TPR: variants seen among roughly 807,000 people sequenced by gnomAD.
TPR encodes the protein translocated promoter region, nuclear basket protein.
A neutral mutation model predicts 316.1 loss-of-function variants in TPR; 51 were observed. The ratio of observed to expected loss-of-function variants is 0.16; its 90% CI spans 0.13 to 0.20. The LOEUF (loss-of-function observed/expected upper bound fraction) is 0.20, where lower values mean the gene tolerates loss of function less well. TPR is among the 10% of genes least tolerant of loss of function. The probability of loss-of-function intolerance (pLI) is 1.00; values close to 1 mark genes in which losing one functional copy is unlikely to be tolerated. For synonymous variants in TPR, 981 were observed against 914.7 expected, an observed-to-expected ratio of 1.07 and a Z score of -1.31; for missense variants, 2,272 against 2,754.8, an observed-to-expected ratio of 0.82 and a Z score of 3.92.
intron 49 of TPR, among the ~76,000 whole-genome samples, chr1:186,316,444 TG>T (rs1557980685): frequency 6.6e-6 from 1 of 152,232 alleles, no homozygotes; most frequent in African/African-American, 2.4e-5. Flanking sequence ...AGCAAAGTTC[TG>T]TGATTTAAAA....
chr1:186,361,437 T>C (rs1272302774), intron 9 of TPR, among the ~76,000 whole-genome samples, 185 bp downstream of exon 9: 4 of 151,878 alleles, frequency 2.6e-5, no homozygotes, highest in African/African-American at 9.7e-5. Context: ...TTTTCAAAAA[T>C]ATATAAACTT....
intron 35 of TPR, 36 bp downstream of exon 35, chr1:186,335,032 A>G (rs1658297970): frequency 1.3e-6 from 2 of 1,595,586 alleles, no homozygotes; most frequent in Non-Finnish European, 1.7e-6. Context: ...GAGCTTTAAA[A>G]GAAAAATAAC....
In TPR at chr1:186,359,976, T is replaced by A. The variant is rs1659135338; in HGVS notation, c.1212A>T (p.Glu404Asp). The A allele has an allele frequency of 6.2e-7, 1 of 1,609,162 alleles. No individual in the cohort carries two copies. Among genetic ancestry groups the A allele is most frequent in the South Asian group, 1.1e-5 (1 of 89,868 alleles). The change falls in exon 12 of 51, where the codon GAA becomes GAT. Residue 404 changes from glutamate (E) to aspartate (D), a missense_variant. Glu to Asp is a conservative substitution (Grantham distance 45, BLOSUM62 2). Around this residue, in one of 10 missense-constraint regions of TPR, gnomAD observed 549 missense variants for 598.6 expected, o/e 0.92. Transcript: ENST00000367478. ...KLTELYNAYVETQDQLLLEKL... is the reference protein window; with the variant it reads ...KLTELYNAYVDTQDQLLLEKL... ...TCTCCAAAAGCAACTGATCCTGAGT[T>A]TCCACATAAGCATTATAGAGCTGAA...
rs956847467 is a variant in TPR, at chr1:186,334,607, T to C, written c.4974-74A>G. On this transcript the variant is annotated intron_variant, in intron 35 of 50. Transcript: ENST00000367478. Reference sequence around the variant, plus strand: ...AATACTTTTAAAAACACAGTGAGTATAGGTCTCCATTTTTTTGTTCACTAA... The same window carrying C: ...AATACTTTTAAAAACACAGTGAGTACAGGTCTCCATTTTTTTGTTCACTAA... The C allele has an allele frequency of 1.3e-5, 19 of 1,441,726 alleles. No individual in the cohort carries two copies. The Admixed American group carries it at 1.3e-4, about 10-fold the overall frequency. The allele number at this position is 1,441,726 out of a possible 1,614,324, so 89.3% of individuals were successfully genotyped here.
At chr1:186,370,931 A>G in intron 3 of TPR, 39 bp downstream of exon 3, 1 of 1,537,410 alleles carries the variant, frequency 6.5e-7, no homozygotes, top group Non-Finnish European at 9.0e-7. Flanking sequence ...CTTCAAGTAA[A>G]ATGTCTACAA....
intron 22 of TPR, 103 bp from the exon 23 acceptor site, chr1:186,346,390 T>A (rs1328472393): frequency 8.4e-7 from 1 of 1,193,244 alleles, no homozygotes; most frequent in Admixed American, 2.9e-5. Flanking sequence ...ATAAAATTAA[T>A]GTTTGTTGTA....
chr1:186,371,154 C>A, intron 2 of TPR, 111 bp from the exon 3 acceptor site: 1 of 836,302 alleles, frequency 1.2e-6, no homozygotes, highest in Non-Finnish European at 1.9e-6. Context: ...AACAGAAGCC[C>A]AGAAAGACTG....
rs761526202 is a variant in TPR at position 186,355,661 on chromosome 1, T to C, written c.1996A>G (p.Ile666Val). The C allele has an allele frequency of 3.7e-6, 6 of 1,614,040 alleles. No homozygotes were observed. Among genetic ancestry groups the C allele is most frequent in the Admixed American group, 1.7e-5 (1 of 60,010 alleles). ...TGTTTAAGGGCAGCCTTAGCCTCTA[T>C]AGCCTCTGTTGATTCAATAACAGGT... ...PVPVIESTEA[I>V]EAKAALKQLQ... The change falls in exon 16 of 51, where the codon ATA becomes GTA. Residue 666 changes from isoleucine to valine, a missense_variant. Physicochemically the swap from Ile to Val is conservative, Grantham distance 29. Around this residue, in one of 10 missense-constraint regions of TPR, gnomAD observed 757 missense variants for 859.8 expected, o/e 0.88. Transcript: ENST00000367478.
At chr1:186,318,349 CA>C in intron 48 of TPR, 97 bp downstream of exon 48, 1 of 1,352,690 alleles carries the variant, frequency 7.4e-7, no homozygotes, top group Non-Finnish European at 1.0e-6. Context: ...CAAAAAAAAA[CA>C]AAACACAACT....
At chr1:186,328,220 AT>A (rs1409845114) in intron 39 of TPR, among the ~76,000 whole-genome samples, 5 of 152,218 alleles carry the variant, frequency 3.3e-5, no homozygotes, top group East Asian at 1.9e-4. Context: ...AGAGAAAAAA[AT>A]ATAAACAAAT....
chr1:186,318,708 C>T, intron 47 of TPR, 25 bp downstream of exon 47: 1 of 1,612,718 alleles, frequency 6.2e-7, no homozygotes, highest in Non-Finnish European at 8.5e-7. Context: ...TAAAACAGAA[C>T]CTACTATCTG....
In TPR at chr1:186,313,174, T is replaced by C. The variant is rs966986658; in HGVS notation, c.*797A>G. The C allele has an allele frequency of 1.3e-5, 6 of 461,518 alleles. No individual in the cohort carries two copies. In the East Asian group the frequency reaches 1.5e-4, roughly 12 times the overall value. 28.6% of individuals were successfully genotyped at this position (461,518 alleles called of 1,614,324 possible). On this transcript the variant is annotated 3_prime_UTR_variant, in exon 51 of 51. Coordinates refer to ENST00000367478, the MANE Select transcript of TPR (RefSeq NM_003292.3). ...AATAGTATTTTACTTCTATCATTTG[T>C]GGCATTTAACAGATACCTTGTTTGG...
At chr1:186,315,815 C>A (rs1187049312) in intron 49 of TPR, among the ~76,000 whole-genome samples, 2 of 149,832 alleles carry the variant, frequency 1.3e-5, no homozygotes, top group African/African-American at 4.9e-5. Flanking sequence ...TGACCCTGAA[C>A]ACAAGCAGAC....
chr1:186,349,661 A>C (rs34991433), intron 21 of TPR, among the ~76,000 whole-genome samples: 20 of 127,594 alleles, frequency 1.6e-4, no homozygotes, highest in South Asian at 5.1e-4. Context: ...CTCTCTCTCA[A>C]AAAAAAAAAA....
rs1657412744 is a variant in TPR, at chr1:186,313,154, T to C, written c.*817A>G. On this transcript the variant is annotated 3_prime_UTR_variant, in exon 51 of 51. Transcript: ENST00000367478. ...AGAGTAAACTTGCTACTGACAATAG[T>C]ATTTTACTTCTATCATTTGTGGCAT... 2 of 490,076 alleles carry C rather than the reference T, an allele frequency of 4.1e-6. No homozygotes were observed. Among genetic ancestry groups the C allele is most frequent in the South Asian group, 2.2e-5 (1 of 45,838 alleles). 30.4% of individuals were successfully genotyped at this position (490,076 alleles called of 1,614,324 possible). A position where few individuals can be genotyped will look rare whatever the true frequency, so the allele number is the denominator to read the frequency against.
chr1:186,339,613 T>C (rs764967724), intron 30 of TPR, 29 bp downstream of exon 30: 3 of 1,490,124 alleles, frequency 2.0e-6, no homozygotes, highest in Non-Finnish European at 1.8e-6. Flanking sequence ...TTTTATATTA[T>C]ATATGATTTA....
chr1:186,358,687 C>T (rs761530573), intron 12 of TPR, 37 bp from the exon 13 acceptor site: 2 of 1,563,174 alleles, frequency 1.3e-6, no homozygotes, highest in East Asian at 4.5e-5. Context: ...TTTTGTACTT[C>T]CTTCTAGGAT....
At chr1:186,327,406 G>C (rs1306448174) in intron 40 of TPR, 54 bp downstream of exon 40, 2 of 1,567,274 alleles carry the variant, frequency 1.3e-6, no homozygotes, top group Non-Finnish European at 1.7e-6. Flanking sequence ...CCAAGGATTT[G>C]AGCACTTTCA....
chr1:186,353,387 A>G (rs1162335311), intron 18 of TPR, among the ~76,000 whole-genome samples: 1 of 143,484 alleles, frequency 7.0e-6, no homozygotes, highest in African/African-American at 2.6e-5. Flanking sequence ...AAAAAAAACC[A>G]AAAAAAAAAA....
Sources: gnomAD v4.1 joint callset for allele counts (sites outside exome capture counted in the v4.1 genomes callset) on GRCh38, gnomAD v4.1.1 for gene constraint, gnomAD v4.1.1 regional missense constraint, MANE v1.5 for transcripts, NCBI Gene and HGNC (gene_info 2026-07-23, HGNC 2026-07-21) for gene names.